The following ANKRD46 variants were observed in gnomAD, a reference collection of about 807,000 sequenced individuals.
ANKRD46 encodes the protein ankyrin repeat domain-containing protein 46.
ANKRD46 carries 13 observed loss-of-function variants against 19.8 expected under a neutral mutation model. The ratio of observed to expected loss-of-function variants is 0.66; its 90% CI spans 0.43 to 1.04. The LOEUF is 1.04. Among genes scored for constraint, ANKRD46 ranks in the 50% least tolerant of loss-of-function variants. The pLI, the probability that ANKRD46 is intolerant of heterozygous loss-of-function variation, is 0.00. For missense variants in ANKRD46, 185 were observed against 274.8 expected (o/e 0.67, Z 2.31); for synonymous variants, 91 against 106.9 (o/e 0.85, Z 0.92).
rs1173535262 is a variant in ANKRD46, at chr8:100,550,164, C to T, written c.-131+9547G>A. Among the ~76,000 whole-genome samples the T allele has an allele frequency of 6.6e-6, 1 of 152,206 alleles. No homozygotes were observed. Among genetic ancestry groups the T allele is most frequent in the Non-Finnish European group, 1.5e-5 (1 of 68,036 alleles). On this transcript the variant is annotated intron_variant, in intron 1 of 4. Transcript: ENST00000335659. This position sits in a 1 kb window ranked among gnomAD's most constrained non-coding sequence, Gnocchi z 4.4. ...AGGTTTTTGTGTGGACAGTTTTTCA[C>T]TCCTTTGGGTAAATACCAAGGAGCA...
At chr8:100,552,145 G>A (rs1381730742) in intron 1 of ANKRD46, among the ~76,000 whole-genome samples, 2 of 118,454 alleles carry the variant, frequency 1.7e-5, no homozygotes, top group Non-Finnish European at 3.3e-5. Context: ...GTGAGACTCT[G>A]TCTTAAAAAA....
In ANKRD46 at chr8:100,534,652, G is replaced by A. The variant is rs2469651; in HGVS notation, c.-130-1341C>T. Among the ~76,000 whole-genome samples, 1 of 151,852 alleles carries A rather than the reference G, an allele frequency of 6.6e-6. No individual in the cohort carries two copies. Among genetic ancestry groups the A allele is most frequent in the African/African-American group, 2.4e-5 (1 of 41,316 alleles). ...TCTGGATGTGGTAGAGCTCACATTA[G>A]GGAAAAAGAAAAAATTTTGTTTTTC... On this transcript the variant is annotated intron_variant, in intron 1 of 4. Coordinates refer to ENST00000335659, the MANE Select transcript of ANKRD46 (RefSeq NM_001270377.2). This position sits in a 1 kb window ranked among gnomAD's most constrained non-coding sequence, Gnocchi z 4.2.
chr8:100,521,769 C>T lies in ANKRD46; in HGVS notation c.*786G>A. 1.0e-6 allele frequency: 1 copy of T among 985,306 alleles called. No individual in the cohort carries two copies. Among genetic ancestry groups the T allele is most frequent in the Non-Finnish European group, 1.2e-6 (1 of 829,848 alleles). The allele number at this position is 985,306 out of a possible 1,614,324, so 61.0% of individuals were successfully genotyped here. A position where few individuals can be genotyped will look rare whatever the true frequency, so the allele number is the denominator to read the frequency against. ...GAATTATTTTTCCCTGCTAACTATT[C>T]AGTAGAAAAAGGATTTTCTGACTGT... is the stretch of plus-strand genomic sequence containing the variant. On this transcript the variant is annotated 3_prime_UTR_variant, in exon 5 of 5. Coordinates refer to ENST00000335659, the MANE Select transcript of ANKRD46 (RefSeq NM_001270377.2).
rs977315474 is a variant in ANKRD46 at position 100,536,249 on chromosome 8, T to C, written c.-130-2938A>G. On this transcript the variant is annotated intron_variant, in intron 1 of 4. Transcript: ENST00000335659. This position sits in a 1 kb window ranked among gnomAD's most constrained non-coding sequence, Gnocchi z 4.9. ...AATGGATGTGAAACCTAAGTAAACA[T>C]AATGAAGCCTGCTTGGAGAGGTGGG... 1.3e-5 allele frequency among the ~76,000 whole-genome samples: 2 copies of C among 152,106 alleles called. No homozygotes were observed. The highest frequency in any genetic ancestry group is 2.4e-5 in the African/African-American group (1 of 41,412).
At chr8:100,523,454 AG>A (rs1247405708) in intron 4 of ANKRD46, among the ~76,000 whole-genome samples, 12 of 150,276 alleles carry the variant, frequency 8.0e-5, no homozygotes, top group African/African-American at 2.9e-4. Flanking sequence ...TGTTGGGGGG[AG>A]GGGGGAAGAT....
At chr8:100,552,737 G>A (rs1457249809) in intron 1 of ANKRD46, among the ~76,000 whole-genome samples, 2 of 152,166 alleles carry the variant, frequency 1.3e-5, no homozygotes, top group Admixed American at 1.3e-4. Flanking sequence ...AATTGCTTTT[G>A]TCATTTTTAT....
intron 5 of ANKRD46, among the ~76,000 whole-genome samples, chr8:100,514,451 CTTAAACTAA>C (rs1339251512): frequency 1.3e-5 from 2 of 151,650 alleles, no homozygotes; most frequent in Non-Finnish European, 2.9e-5. Context: ...TAAATTGATT[CTTAAACTAA>C]TTCAGACATG....
chr8:100,529,896 C>T lies in ANKRD46; in HGVS notation c.-27-36G>A. On this transcript the variant is annotated intron_variant, in intron 2 of 4. Coordinates refer to ENST00000335659, the MANE Select transcript of ANKRD46 (RefSeq NM_001270377.2). The surrounding 1 kb of genome is among the most constrained non-coding windows in gnomAD (Gnocchi z 5.8). ...ATAGGTGAGTGAGATTCCATGAAGA[C>T]AAATGAAATCAAGACAAAGGAGTCA... 1 of 1,510,164 alleles carries T rather than the reference C, an allele frequency of 6.6e-7. No homozygotes were observed. Among genetic ancestry groups the T allele is most frequent in the Non-Finnish European group, 9.0e-7 (1 of 1,110,030 alleles). The allele number at this position is 1,510,164 out of a possible 1,614,324, so 93.5% of individuals were successfully genotyped here.
intron 5 of ANKRD46, among the ~76,000 whole-genome samples, chr8:100,515,167 C>T (rs1811608718): frequency 6.6e-6 from 1 of 152,036 alleles, no homozygotes; most frequent in Admixed American, 6.6e-5. Context: ...GACAAATGTT[C>T]CTGCAACCAT....
rs1811723080 is a variant in ANKRD46, at chr8:100,521,514, G to A, written c.*1041C>T. ...ATATTACCATTCATAAAGAGTTTAT[G>A]ACACCCAGTACGATACTGTCCAGCA... is the stretch of plus-strand genomic sequence containing the variant. On this transcript the variant is annotated 3_prime_UTR_variant, in exon 5 of 5. Coordinates refer to ENST00000335659, the MANE Select transcript of ANKRD46 (RefSeq NM_001270377.2). 2.0e-6 allele frequency: 2 copies of A among 985,286 alleles called. No individual in the cohort carries two copies. Among genetic ancestry groups the A allele is most frequent in the African/African-American group, 1.7e-5 (1 of 57,232 alleles). The allele number at this position is 985,286 out of a possible 1,614,324, so 61.0% of individuals were successfully genotyped here.
chr8:100,541,564 C>A (rs1812175826), intron 1 of ANKRD46, among the ~76,000 whole-genome samples: 1 of 152,182 alleles, frequency 6.6e-6, no homozygotes, highest in Admixed American at 6.5e-5. Context: ...CCATGCTATA[C>A]ATGACTATTT....
At position 100,546,543 on chromosome 8, in the gene ANKRD46, G is replaced by A. The variant is rs1231818839; in HGVS notation, c.-131+13168C>T. On this transcript the variant is annotated intron_variant, in intron 1 of 4. Coordinates refer to ENST00000335659, the MANE Select transcript of ANKRD46 (RefSeq NM_001270377.2). This position sits in a 1 kb window ranked among gnomAD's most constrained non-coding sequence, Gnocchi z 4.0. ...ACATATGGAAATTCCTGGATGTCCA[G>A]ACAGAAGTCTGCTACAGGGGCAGAG... Among the ~76,000 whole-genome samples the A allele has an allele frequency of 6.6e-6, 1 of 152,258 alleles. No individual in the cohort carries two copies. Among genetic ancestry groups the A allele is most frequent in the East Asian group, 1.9e-4 (1 of 5,196 alleles).
intron 4 of ANKRD46, among the ~76,000 whole-genome samples, chr8:100,523,431 G>A (rs764665186): frequency 2.6e-4 from 39 of 150,814 alleles, no homozygotes; most frequent in Non-Finnish European, 5.2e-4. Flanking sequence ...CTAGAACTGA[G>A]AAAGTAAATG....
chr8:100,544,297 G>A lies in ANKRD46; in HGVS notation c.-130-10986C>T, dbSNP rs990490881. On this transcript the variant is annotated intron_variant, in intron 1 of 4. Coordinates refer to ENST00000335659, the MANE Select transcript of ANKRD46 (RefSeq NM_001270377.2). The surrounding 1 kb of genome is among the most constrained non-coding windows in gnomAD (Gnocchi z 4.4). ...AATACCTTACTCATCCATGGGACCC[G>A]GACATAAAGAAGCAAGGACAAAGAA... 2.0e-5 allele frequency among the ~76,000 whole-genome samples: 3 copies of A among 152,206 alleles called. No individual in the cohort carries two copies. Among genetic ancestry groups the A allele is most frequent in the Non-Finnish European group, 2.9e-5 (2 of 68,032 alleles).
Position 100,525,972 on chromosome 8 carries a change from C to T in ANKRD46, c.470+1873G>A, listed in dbSNP as rs1286302630. On this transcript the variant is annotated intron_variant, in intron 4 of 4. Transcript: ENST00000335659. This position sits in a 1 kb window ranked among gnomAD's most constrained non-coding sequence, Gnocchi z 4.4. ...GGCATTTCACTATGGTCCTCATTTGCATTTTCCTAATGACATTACCTTTCA... is the reference window on the plus strand; with the variant it reads ...GGCATTTCACTATGGTCCTCATTTGTATTTTCCTAATGACATTACCTTTCA... 2.6e-5 allele frequency among the ~76,000 whole-genome samples: 4 copies of T among 152,158 alleles called. No homozygotes were observed. Among genetic ancestry groups the T allele is most frequent in the South Asian group, 4.1e-4 (2 of 4,824 alleles).
Position 100,527,203 on chromosome 8 carries a change from G to C in ANKRD46, c.470+642C>G, listed in dbSNP as rs184284189. On this transcript the variant is annotated intron_variant, in intron 4 of 4. Transcript: ENST00000335659. This position sits in a 1 kb window ranked among gnomAD's most constrained non-coding sequence, Gnocchi z 4.0. ...CTGTCAGTTACCACATCTTAGCTTC[G>C]ATTACTCACAGGAATCCAAATTTCA... Among the ~76,000 whole-genome samples the C allele has an allele frequency of 6.6e-6, 1 of 152,104 alleles. No individual in the cohort carries two copies. The highest frequency in any genetic ancestry group is 2.4e-5 in the African/African-American group (1 of 41,418).
At chr8:100,516,374 T>C (rs984857547), downstream of ANKRD46, among the ~76,000 whole-genome samples, 12 of 152,332 alleles carry the variant, frequency 7.9e-5, no homozygotes, top group Admixed American at 7.8e-4. Context: ...GCATTTTGAA[T>C]ATGAGGCAAC....
In ANKRD46 at chr8:100,546,674, G is replaced by C. The variant is rs987502657; in HGVS notation, c.-131+13037C>G. Among the ~76,000 whole-genome samples, 2 of 152,220 alleles carry C rather than the reference G, an allele frequency of 1.3e-5. No individual in the cohort carries two copies. Among genetic ancestry groups the C allele is most frequent in the Non-Finnish European group, 2.9e-5 (2 of 68,032 alleles). ...GCTGCCTAGTGGAGCTATGAGAAAAGGGCCACTGTCCTCCAGACCCCAGAA... is the reference window on the plus strand; with the variant it reads ...GCTGCCTAGTGGAGCTATGAGAAAACGGCCACTGTCCTCCAGACCCCAGAA... On this transcript the variant is annotated intron_variant, in intron 1 of 4. Transcript: ENST00000335659. The surrounding 1 kb of genome is among the most constrained non-coding windows in gnomAD (Gnocchi z 4.0).
rs915100595 is a variant in ANKRD46 at position 100,525,136 on chromosome 8, T to G, written c.471-2365A>C. 3.3e-5 allele frequency among the ~76,000 whole-genome samples: 5 copies of G among 152,188 alleles called. No individual in the cohort carries two copies. The highest frequency in any genetic ancestry group is 1.2e-4 in the African/African-American group (5 of 41,452). On this transcript the variant is annotated intron_variant, in intron 4 of 4. Transcript: ENST00000335659. The surrounding 1 kb of genome is among the most constrained non-coding windows in gnomAD (Gnocchi z 4.4). ...GAATCCTAAGAGAAATGGAAAATAT[T>G]ATAGTAAATACATTTAAAACCCTGC... is the stretch of plus-strand genomic sequence containing the variant.
Sources: allele counts gnomAD v4.1 joint callset (sites outside exome capture counted in the v4.1 genomes callset), GRCh38; gene constraint gnomAD v4.1.1; non-coding constraint Gnocchi (gnomAD v3.1); transcripts MANE v1.5; gene names NCBI Gene and HGNC (gene_info 2026-07-23, HGNC 2026-07-21).